The following SPTLC1 variants were observed in gnomAD, a reference collection of about 807,000 sequenced individuals.
SPTLC1 encodes the protein serine palmitoyltransferase long chain base subunit 1, also known as serine palmitoyltransferase 1.
A neutral mutation model predicts 68.9 loss-of-function variants in SPTLC1; 55 were observed. That is an observed-to-expected ratio of 0.80 (90% CI 0.64 to 1.00). The LOEUF (loss-of-function observed/expected upper bound fraction) is 1.00, where lower values mean the gene tolerates loss of function less well. Among genes scored for constraint, SPTLC1 ranks in the 50% least tolerant of loss-of-function variants. The pLI is 0.00. For missense variants in SPTLC1, 449 were observed against 573.1 expected (o/e 0.78, Z 2.21); for synonymous variants, 197 against 201.6 (o/e 0.98, Z 0.19).
intron 14 of SPTLC1, 80 bp from the exon 15 acceptor site, chr9:92,032,638 A>G: frequency 6.4e-7 from 1 of 1,566,850 alleles, no homozygotes; most frequent in Non-Finnish European, 8.7e-7. Flanking sequence ...AGCACTTTGG[A>G]GGCCAAGGCA....
chr9:92,035,534 G>A (rs1408848522), intron 13 of SPTLC1, among the ~76,000 whole-genome samples: 1 of 152,152 alleles, frequency 6.6e-6, no homozygotes, highest in Admixed American at 6.5e-5. Flanking sequence ...TAGGCTACAG[G>A]GGTTTCTTTC....
chr9:92,110,693 T>C lies in SPTLC1; in HGVS notation c.165+1762A>G, dbSNP rs573153033. The C allele has an allele frequency of 5.3e-5, 8 of 152,336 alleles. No homozygotes were observed. In the South Asian group the frequency reaches 1.7e-3, roughly 32 times the overall value. The allele number at this position is 152,336 out of a possible 1,614,324, so 9.4% of individuals were successfully genotyped here. A position where few individuals can be genotyped will look rare whatever the true frequency, so the allele number is the denominator to read the frequency against. On this transcript the variant is annotated intron_variant, in intron 2 of 14. Transcript: ENST00000262554. ...TGCCTAGAAGGCATCATACTATCAA[T>C]ATTTATCATAAATACACTCATAATT...
chr9:92,053,535 T>C (rs1833783186), intron 8 of SPTLC1, among the ~76,000 whole-genome samples: 1 of 152,166 alleles, frequency 6.6e-6, no homozygotes, highest in Non-Finnish European at 1.5e-5. Context: ...TGGATGAACA[T>C]ATAAAACAAA....
At chr9:92,093,682 T>A (rs1308869356) in intron 3 of SPTLC1, among the ~76,000 whole-genome samples, 1 of 152,210 alleles carries the variant, frequency 6.6e-6, no homozygotes, top group Non-Finnish European at 1.5e-5. Flanking sequence ...GCTCAACATT[T>A]TAAAGATATT....
chr9:92,105,382 G>A (rs1835920912), intron 3 of SPTLC1: 2 of 1,503,202 alleles, frequency 1.3e-6, no homozygotes, highest in Admixed American at 2.0e-5. Context: ...CAAAATTCAG[G>A]AGACTAAGAG....
chr9:92,092,627 G>A (rs539932183), intron 3 of SPTLC1, among the ~76,000 whole-genome samples: 14 of 151,992 alleles, frequency 9.2e-5, no homozygotes, highest in Non-Finnish European at 2.1e-4. Flanking sequence ...TCCAGCTACT[G>A]GGGAGGCTGA....
At chr9:92,106,543 C>T (rs537854279) in intron 3 of SPTLC1, among the ~76,000 whole-genome samples, 61 of 151,896 alleles carry the variant, frequency 4.0e-4, no homozygotes, top group African/African-American at 1.3e-3. Context: ...GCTGTCTCCA[C>T]ACCTGCTGAG....
intron 8 of SPTLC1, among the ~76,000 whole-genome samples, chr9:92,052,531 ATTAT>A (rs1833737443): frequency 6.6e-6 from 1 of 150,710 alleles, no homozygotes. Flanking sequence ...GATTATTATT[ATTAT>A]TTTTTTTTTT....
In SPTLC1 at chr9:92,115,388, C is replaced by G; in HGVS notation, c.-18G>C. On this transcript the variant is annotated 5_prime_UTR_variant, in exon 1 of 15. Transcript: ENST00000262554. ...GTCGCCATAGTTAGCCGCTTCCTTC[C>G]GGAAGGCGGGTCACAAGCGCGTCCC... 6.2e-7 allele frequency: 1 copy of G among 1,613,054 alleles called. No homozygotes were observed. Among genetic ancestry groups the G allele is most frequent in the Non-Finnish European group, 8.5e-7 (1 of 1,179,792 alleles).
chr9:92,055,513 A>C lies in SPTLC1; in HGVS notation c.691-19T>G. 1 of 1,610,966 alleles carries C rather than the reference A, an allele frequency of 6.2e-7. No homozygotes were observed. The highest frequency in any genetic ancestry group is 1.3e-5 in the African/African-American group (1 of 74,204). ...GAGGATTCTTTAAAAGAGAAAAAGC[A>C]GACATCTTACATTTCAGTAACTCTG... On this transcript the variant is annotated intron_variant, in intron 7 of 14. Transcript: ENST00000262554.
At chr9:92,074,906 C>A (rs139703077) in intron 5 of SPTLC1, among the ~76,000 whole-genome samples, 1 of 152,068 alleles carries the variant, frequency 6.6e-6, no homozygotes, top group African/African-American at 2.4e-5. Flanking sequence ...CTCTTCCCAG[C>A]CCCTTTTTGC....
intron 8 of SPTLC1, among the ~76,000 whole-genome samples, chr9:92,052,971 A>T (rs1164245233): frequency 1.3e-5 from 2 of 152,126 alleles, no homozygotes; most frequent in Non-Finnish European, 2.9e-5. Context: ...ACAAAATAGG[A>T]GAAAATATTT....
At chr9:92,052,228 G>A (rs1351806993) in intron 8 of SPTLC1, among the ~76,000 whole-genome samples, 2 of 152,162 alleles carry the variant, frequency 1.3e-5, no homozygotes, top group Non-Finnish European at 2.9e-5. Context: ...TGTGGTACTG[G>A]CATAGGACAG....
chr9:92,069,491 A>AT (rs1234213195), intron 5 of SPTLC1, among the ~76,000 whole-genome samples: 2 of 152,228 alleles, frequency 1.3e-5, no homozygotes, highest in Non-Finnish European at 2.9e-5. Flanking sequence ...ATCTTCGAGT[A>AT]TAAGACCTCT....
intron 3 of SPTLC1, among the ~76,000 whole-genome samples, chr9:92,082,130 G>A (rs369908151): frequency 4.5e-4 from 69 of 152,232 alleles, no homozygotes; most frequent in African/African-American, 1.5e-3. Flanking sequence ...GTAGGGGAGA[G>A]TCTACCTCTC....
At chr9:92,079,934 G>C in intron 5 of SPTLC1, 82 bp downstream of exon 5, 1 of 1,196,144 alleles carries the variant, frequency 8.4e-7, no homozygotes, top group Non-Finnish European at 1.2e-6. Context: ...GGGAGTACAG[G>C]TGTGAGCCAC....
chr9:92,061,865 A>G (rs952520609), intron 6 of SPTLC1, among the ~76,000 whole-genome samples: 1 of 152,308 alleles, frequency 6.6e-6, no homozygotes, highest in South Asian at 2.1e-4. Context: ...GTAAATTCTA[A>G]AAACATGTTC....
intron 3 of SPTLC1, among the ~76,000 whole-genome samples, chr9:92,084,334 A>G (rs1359662925): frequency 6.6e-6 from 1 of 151,846 alleles, no homozygotes; most frequent in African/African-American, 2.4e-5. Context: ...TTCAAAGGGA[A>G]TGCTTCCAGT....
chr9:92,070,699 A>G (rs2118616949), intron 5 of SPTLC1, among the ~76,000 whole-genome samples: 1 of 152,244 alleles, frequency 6.6e-6, no homozygotes, highest in East Asian at 1.9e-4. Flanking sequence ...GGATAGTCCT[A>G]CCTTCCTCAA....
Sources: gnomAD v4.1 joint callset for allele counts (sites outside exome capture counted in the v4.1 genomes callset) on GRCh38, gnomAD v4.1.1 for gene constraint, MANE v1.5 for transcripts, NCBI Gene and HGNC (gene_info 2026-07-23, HGNC 2026-07-21) for gene names.